Variants in NELL1 observed in about 807,000 individuals in gnomAD.
The protein encoded by NELL1 is neural EGFL like 1.
NELL1 carries 76 observed loss-of-function variants against 107.4 expected under a neutral mutation model. The ratio of observed to expected loss-of-function variants is 0.71; its 90% confidence interval spans 0.59 to 0.86. NELL1 has a LOEUF of 0.86. Among genes scored for constraint, NELL1 ranks in the 40% least tolerant of loss-of-function variants. NELL1 has a pLI of 0.00. For missense variants in NELL1, 1,024 were observed against 1,005.5 expected (o/e 1.02, Z -0.25); for synonymous variants, 353 against 341.2 (o/e 1.03, Z -0.38).
At chr11:21,101,656 C>T (rs1045940688) in intron 12 of NELL1, among the ~76,000 whole-genome samples, 2 of 152,138 alleles carry the variant, frequency 1.3e-5, no homozygotes, top group African/African-American at 4.8e-5. Context: ...AGTGTCTGTT[C>T]ATATCCTTCG....
intron 2 of NELL1, among the ~76,000 whole-genome samples, chr11:20,684,667 G>A (rs1232283619): frequency 6.6e-6 from 1 of 151,948 alleles, no homozygotes; most frequent in African/African-American, 2.4e-5. Context: ...ACCGTCTTTG[G>A]TACTGAGCTT....
chr11:20,673,160 C>G (rs1224612104), intron 1 of NELL1, among the ~76,000 whole-genome samples: 2 of 151,940 alleles, frequency 1.3e-5, no homozygotes, highest in African/African-American at 4.8e-5. Context: ...CTGCGCCTGG[C>G]CAAGAGATTT....
At chr11:20,718,638 G>A (rs1219472201) in intron 2 of NELL1, among the ~76,000 whole-genome samples, 2 of 152,100 alleles carry the variant, frequency 1.3e-5, no homozygotes, top group Non-Finnish European at 2.9e-5. Flanking sequence ...TTCAAGGTAA[G>A]CTATGAGCTC....
At chr11:21,508,908 A>T (rs956420432) in intron 15 of NELL1, among the ~76,000 whole-genome samples, 3 of 152,166 alleles carry the variant, frequency 2.0e-5, no homozygotes, top group Non-Finnish European at 4.4e-5. Flanking sequence ...ACAACAAAAA[A>T]TGATGAAAAT....
chr11:20,711,051 A>G (rs943613928), intron 2 of NELL1, among the ~76,000 whole-genome samples: 2 of 148,908 alleles, frequency 1.3e-5, no homozygotes, highest in East Asian at 2.0e-4. Context: ...TTTGTTATTT[A>G]TTTTCTTTTT....
intron 2 of NELL1, among the ~76,000 whole-genome samples, chr11:20,721,872 G>C (rs1372610051): frequency 6.6e-6 from 1 of 152,148 alleles, no homozygotes; most frequent in Non-Finnish European, 1.5e-5. Flanking sequence ...TGCTTAACAG[G>C]TTAACATGTG....
At chr11:21,259,823 C>T (rs1302446005) in intron 14 of NELL1, among the ~76,000 whole-genome samples, 1 of 151,822 alleles carries the variant, frequency 6.6e-6, no homozygotes. Flanking sequence ...ATGACTGAAG[C>T]AATTCACCCT....
chr11:21,003,517 G>A (rs1852268223), intron 12 of NELL1, among the ~76,000 whole-genome samples: 1 of 152,106 alleles, frequency 6.6e-6, no homozygotes, highest in Admixed American at 6.6e-5. Flanking sequence ...GTGGTACAGA[G>A]ACAAAAGCTT....
intron 3 of NELL1, among the ~76,000 whole-genome samples, chr11:20,815,973 G>C (rs2134018757): frequency 6.6e-6 from 1 of 152,136 alleles, no homozygotes; most frequent in South Asian, 2.1e-4. Flanking sequence ...TAGGTGTGTG[G>C]TTTCATTTTC....
At chr11:20,897,850 A>T (rs1849781881) in intron 5 of NELL1, among the ~76,000 whole-genome samples, 1 of 152,226 alleles carries the variant, frequency 6.6e-6, no homozygotes, top group Non-Finnish European at 1.5e-5. Flanking sequence ...GAGAAATGCA[A>T]ATCAAAACCA....
chr11:21,010,088 A>G (rs1340473498), intron 12 of NELL1, among the ~76,000 whole-genome samples: 1 of 152,000 alleles, frequency 6.6e-6, no homozygotes, highest in African/African-American at 2.4e-5. Flanking sequence ...CTCAGACTGT[A>G]CCACACAAAC....
At chr11:20,814,213 C>T (rs1401617150) in intron 3 of NELL1, among the ~76,000 whole-genome samples, 1 of 152,144 alleles carries the variant, frequency 6.6e-6, no homozygotes, top group Non-Finnish European at 1.5e-5. Context: ...CCAGGATGGT[C>T]TCGATCTCCT....
intron 16 of NELL1, among the ~76,000 whole-genome samples, chr11:21,553,495 T>C (rs143749083): frequency 7.2e-4 from 110 of 151,966 alleles, no homozygotes; most frequent in African/African-American, 2.5e-3. Flanking sequence ...ACCACTCATA[T>C]TCTAAAACTT....
intron 13 of NELL1, among the ~76,000 whole-genome samples, chr11:21,150,208 C>A (rs1210976014): frequency 6.6e-6 from 1 of 152,226 alleles, no homozygotes; most frequent in East Asian, 1.9e-4. Flanking sequence ...GTGGTCAGCA[C>A]ATGTGGGTCT....
At chr11:20,704,906 T>C (rs1188248128) in intron 2 of NELL1, among the ~76,000 whole-genome samples, 1 of 152,148 alleles carries the variant, frequency 6.6e-6, no homozygotes, top group African/African-American at 2.4e-5. Context: ...TGAACTCCCA[T>C]TCACAATTGC....
rs1197517097 is a variant in NELL1 at position 21,235,300 on chromosome 11, AAG to A, written c.1549+5849_1549+5850del. 1.1e-4 allele frequency among the ~76,000 whole-genome samples: 17 copies of A among 152,294 alleles called. 2 individuals carry two copies. The highest frequency in any genetic ancestry group is 4.1e-4 in the African/African-American group (17 of 41,580). On this transcript the variant is annotated intron_variant, in intron 14 of 19. Transcript: ENST00000357134. Reference sequence around the variant, plus strand: ...ACGGGAGGATTGTAAGCATATTTCTAAGAGTGCTCCTCTGGTTATAGAGCAAT... The same window carrying A: ...ACGGGAGGATTGTAAGCATATTTCTAAGTGCTCCTCTGGTTATAGAGCAAT...
At chr11:20,749,015 T>C (rs1856073046) in intron 2 of NELL1, among the ~76,000 whole-genome samples, 1 of 151,884 alleles carries the variant, frequency 6.6e-6, no homozygotes, top group South Asian at 2.1e-4. Context: ...TTTTAAGCAA[T>C]AGGGTTAGAA....
chr11:20,956,321 T>C (rs951367995), intron 11 of NELL1, among the ~76,000 whole-genome samples: 6 of 152,140 alleles, frequency 3.9e-5, no homozygotes, highest in African/African-American at 1.2e-4. Context: ...AACTCATCTG[T>C]GCCTAGGGCC....
At chr11:21,041,153 G>T (rs985814916) in intron 12 of NELL1, among the ~76,000 whole-genome samples, 1 of 152,090 alleles carries the variant, frequency 6.6e-6, no homozygotes, top group African/African-American at 2.4e-5. Flanking sequence ...GAGAACAATG[G>T]CACTTGACTG....
Sources: allele counts gnomAD v4.1 joint callset (sites outside exome capture counted in the v4.1 genomes callset), GRCh38; gene constraint gnomAD v4.1.1; transcripts MANE v1.5; gene names NCBI Gene and HGNC (gene_info 2026-07-23, HGNC 2026-07-21).